LAMA1: variants seen among roughly 807,000 people sequenced by gnomAD.
LAMA1 encodes the protein laminin subunit alpha 1, also known as laminin subunit alpha-1.
A neutral mutation model predicts 348.7 loss-of-function variants in LAMA1; 219 were observed. The observed-to-expected ratio is 0.63, with a 90% CI of 0.56 to 0.70. The LOEUF is 0.70. Ranked by LOEUF, LAMA1 falls within the 30% of genes least tolerant of loss-of-function variation. The pLI is 0.00. For synonymous variants in LAMA1, 1,487 were observed against 1,491.0 expected (o/e 1.00, Z 0.06); for missense variants, 3,744 against 3,888.0 (o/e 0.96, Z 0.99).
chr18:6,941,858 CG>C lies in LAMA1; in HGVS notation c.*220del. ...GTGTATAAAGATTTTTTTAAAAATA[CG>C]TTTAAAAAGAGAGCCAGGGAATTCA... On this transcript the variant is annotated 3_prime_UTR_variant, in exon 63 of 63. Coordinates refer to ENST00000389658, the MANE Select transcript of LAMA1 (RefSeq NM_005559.4). 3 of 551,472 alleles carry C rather than the reference CG, an allele frequency of 5.4e-6. No individual in the cohort carries two copies. In the South Asian group the frequency reaches 6.3e-5, roughly 12 times the overall value. The allele number at this position is 551,472 out of a possible 1,614,324, so 34.2% of individuals were successfully genotyped here.
chr18:6,942,724 A>G (rs989949217), intron 62 of LAMA1, among the ~76,000 whole-genome samples: 3 of 152,166 alleles, frequency 2.0e-5, no homozygotes, highest in Non-Finnish European at 4.4e-5. Flanking sequence ...AAAAACTTTT[A>G]ATATATAAAA....
intron 1 of LAMA1, among the ~76,000 whole-genome samples, chr18:7,109,000 A>G (rs34433741): frequency 0.26 from 38,960 of 152,116 alleles, 5,394 homozygotes; most frequent in South Asian, 0.32. Flanking sequence ...TTGAACCAGA[A>G]ACCCAAAGGG....
chr18:7,082,516 T>A (rs567015555), intron 1 of LAMA1, among the ~76,000 whole-genome samples: 35 of 152,214 alleles, frequency 2.3e-4, no homozygotes, highest in Admixed American at 2.2e-3. Flanking sequence ...CAGTAACACA[T>A]ACATTCTTAT....
chr18:7,117,210 G>A (rs1283938855), intron 1 of LAMA1, among the ~76,000 whole-genome samples: 14 of 152,076 alleles, frequency 9.2e-5, no homozygotes, highest in Admixed American at 9.2e-4. Context: ...GACAATGAGG[G>A]CGACTCGGGA....
chr18:6,997,094 T>A (rs1316919211), intron 33 of LAMA1, among the ~76,000 whole-genome samples: 2 of 152,164 alleles, frequency 1.3e-5, no homozygotes, highest in Non-Finnish European at 2.9e-5. Context: ...AGATGGAGTC[T>A]TGCTCTGTCG....
chr18:6,943,431 G>C lies in LAMA1; in HGVS notation c.8845-29C>G, dbSNP rs649303. On this transcript the variant is annotated intron_variant, in intron 61 of 62. Coordinates refer to ENST00000389658, the MANE Select transcript of LAMA1 (RefSeq NM_005559.4). ...AAAGCAAATATCTTGGTGAGTTTTTGTGTATTTAAGGAACACAGTCCATTT... is the reference window on the plus strand; with the variant it reads ...AAAGCAAATATCTTGGTGAGTTTTTCTGTATTTAAGGAACACAGTCCATTT... 3.2e-3 allele frequency: 5,110 copies of C among 1,572,502 alleles called. 141 individuals are homozygous for C. In the African/African-American group the frequency reaches 0.057, roughly 17 times the overall value.
intron 3 of LAMA1, among the ~76,000 whole-genome samples, chr18:7,069,292 CG>C (rs1221619396): frequency 1.1e-4 from 16 of 152,218 alleles, no homozygotes; most frequent in African/African-American, 3.9e-4. Context: ...GCTCACTTAT[CG>C]TTAAAAGAAC....
At chr18:7,006,213 A>C (rs1450793400) in intron 29 of LAMA1, among the ~76,000 whole-genome samples, 1 of 152,160 alleles carries the variant, frequency 6.6e-6, no homozygotes, top group Non-Finnish European at 1.5e-5. Flanking sequence ...GTCCTCGGTC[A>C]GGGCTGCGAG....
rs556268968 is a variant in LAMA1, at chr18:7,007,158, G to T, written c.4241C>A (p.Pro1414His). ...SCNNHSDTCD[P>H]NTGKCLNCGD... The stretch of plus-strand genomic sequence containing the variant: ...GCATACCAGACACTTCCCGGTGTTG[G>T]GGTCACAGGTGTCACTGTGGTTGTT... The change falls in exon 29 of 63, where the codon CCC becomes CAC. Residue 1414 changes from proline (P) to histidine (H), a missense_variant. Physicochemically the swap from Pro to His is moderately conservative, Grantham distance 77 (BLOSUM62 -2). Coordinates refer to ENST00000389658, the MANE Select transcript of LAMA1 (RefSeq NM_005559.4). The T allele has an allele frequency of 1.9e-6, 3 of 1,614,082 alleles. No individual in the cohort carries two copies. The African/African-American group carries it at 4.0e-5, about 22-fold the overall frequency.
chr18:6,973,293 T>A, intron 46 of LAMA1, 86 bp from the exon 47 acceptor site: 1 of 1,287,864 alleles, frequency 7.8e-7, no homozygotes, highest in Non-Finnish European at 1.1e-6. Flanking sequence ...ACCCACCATC[T>A]GCTTCTCCCC....
chr18:6,966,314 A>G lies in LAMA1; in HGVS notation c.6900-17T>C. ...TTCTGGGAGCTGCAAAGCAGAAGAG[A>G]TGAAATAGAATCCATTCTCAGGAGG... On this transcript the variant is annotated splice_polypyrimidine_tract_variant and intron_variant, in intron 48 of 62. Transcript: ENST00000389658. 6.2e-7 allele frequency: 1 copy of G among 1,611,134 alleles called. No homozygotes were observed.
chr18:7,026,822 C>A (rs34160629), intron 16 of LAMA1, among the ~76,000 whole-genome samples: 2,801 of 152,018 alleles, frequency 0.018, 25 homozygotes, highest in Middle Eastern at 0.071. Flanking sequence ...ACGGTGAAAC[C>A]CCATCTCTAC....
intron 36 of LAMA1, among the ~76,000 whole-genome samples, chr18:6,987,699 A>AG (rs2057741288): frequency 6.6e-6 from 1 of 152,194 alleles, no homozygotes. Context: ...CACAGGTGTC[A>AG]GGTCACTGGG....
At chr18:7,072,281 G>C (rs1055698967) in intron 3 of LAMA1, among the ~76,000 whole-genome samples, 1 of 152,164 alleles carries the variant, frequency 6.6e-6, no homozygotes. Flanking sequence ...AGTAATTTGT[G>C]TATTAGAAAT....
intron 1 of LAMA1, among the ~76,000 whole-genome samples, chr18:7,107,200 G>A (rs1435884740): frequency 1.4e-5 from 2 of 147,648 alleles, no homozygotes; most frequent in East Asian, 4.1e-4. Context: ...CTCACTGCAA[G>A]CTCCGCCTGC....
intron 29 of LAMA1, among the ~76,000 whole-genome samples, chr18:7,003,317 C>T (rs1006053034): frequency 3.3e-5 from 5 of 151,158 alleles, no homozygotes; most frequent in African/African-American, 1.2e-4. Context: ...GAGGCATTAT[C>T]TCGGCTCACT....
intron 3 of LAMA1, among the ~76,000 whole-genome samples, chr18:7,055,973 G>A (rs563803125): frequency 5.3e-5 from 8 of 151,978 alleles, no homozygotes; most frequent in African/African-American, 1.2e-4. Flanking sequence ...CCAGCTACTC[G>A]AGAAGCTGAG....
At chr18:7,100,058 C>CA (rs3038921) in intron 1 of LAMA1, among the ~76,000 whole-genome samples, 3,484 of 79,302 alleles carry the variant, frequency 0.044, 446 homozygotes, top group African/African-American at 0.15. Flanking sequence ...GACTTTGTCT[C>CA]AAAAAAAAAA....
Position 7,007,399 on chromosome 18 carries a change from T to C in LAMA1, c.4123-123A>G, listed in dbSNP as rs565154318. 607 of 892,752 alleles carry C rather than the reference T, an allele frequency of 6.8e-4. 1 individual carries two copies. Among genetic ancestry groups the C allele is most frequent in the Admixed American group, 1.1e-3 (39 of 36,348 alleles). 55.3% of individuals were successfully genotyped at this position (892,752 alleles called of 1,614,324 possible). On this transcript the variant is annotated intron_variant, in intron 28 of 62. Coordinates refer to ENST00000389658, the MANE Select transcript of LAMA1 (RefSeq NM_005559.4). ...CAGGTATGTGAAAAGAAGTTCGACA[T>C]CTCTATCAGAGAAATGCAAATGAAA...
Sources: allele counts gnomAD v4.1 joint callset (sites outside exome capture counted in the v4.1 genomes callset), GRCh38; gene constraint gnomAD v4.1.1; transcripts MANE v1.5; gene names NCBI Gene and HGNC (gene_info 2026-07-23, HGNC 2026-07-21).